The following FOXP1 variants were observed in gnomAD, a reference collection of about 807,000 sequenced individuals.
The protein encoded by FOXP1 is forkhead box protein P1.
Under a neutral mutation model 98.2 loss-of-function variants are expected in FOXP1, and 15 were observed. The ratio of observed to expected loss-of-function variants is 0.15; its 90% CI spans 0.10 to 0.24. The LOEUF is 0.24. Ranked by LOEUF, FOXP1 falls within the 10% of genes least tolerant of loss-of-function variation. The pLI, the probability that FOXP1 is intolerant of heterozygous loss-of-function variation, is 1.00. For synonymous variants in FOXP1, 371 were observed against 314.5 expected (o/e 1.18, Z -1.90); for missense variants, 633 against 848.5 (o/e 0.75, Z 3.15).
chr3:71,031,501 T>G (rs1022670706), intron 11 of FOXP1, among the ~76,000 whole-genome samples: 1 of 152,340 alleles, frequency 6.6e-6, no homozygotes, highest in African/African-American at 2.4e-5. Flanking sequence ...CCAAAGTGTC[T>G]TTTTAAAAAG....
chr3:71,286,547 G>A (rs2072159970), intron 5 of FOXP1, among the ~76,000 whole-genome samples: 1 of 152,156 alleles, frequency 6.6e-6, no homozygotes, highest in Non-Finnish European at 1.5e-5. Flanking sequence ...TTAATGGCAT[G>A]TGCTGGGACA....
At chr3:71,430,976 T>A (rs543445603) in intron 3 of FOXP1, among the ~76,000 whole-genome samples, 2 of 152,128 alleles carry the variant, frequency 1.3e-5, no homozygotes, top group East Asian at 3.9e-4. Context: ...ATGAAACACT[T>A]TCCTAGACAT....
chr3:71,081,347 A>G (rs1259033499), intron 7 of FOXP1, among the ~76,000 whole-genome samples: 1 of 152,190 alleles, frequency 6.6e-6, no homozygotes, highest in African/African-American at 2.4e-5. Context: ...AGAAAAAGAC[A>G]CAGAATCATA....
chr3:71,080,508 C>G (rs1469789941), intron 7 of FOXP1, among the ~76,000 whole-genome samples: 1 of 152,246 alleles, frequency 6.6e-6, no homozygotes. Flanking sequence ...GTGACCACAT[C>G]AATAAATGTT....
intron 5 of FOXP1, among the ~76,000 whole-genome samples, chr3:71,259,160 AAAG>A (rs2068885688): frequency 6.6e-6 from 1 of 152,102 alleles, no homozygotes; most frequent in African/African-American, 2.4e-5. Context: ...AAAAAAGAAA[AAAG>A]AAGTAAAGAA....
In FOXP1 at chr3:71,565,266, C is replaced by A. The variant is rs192151142; in HGVS notation, c.-298+16283G>T. Among the ~76,000 whole-genome samples the A allele has an allele frequency of 1.2e-4, 18 of 152,214 alleles. No homozygotes were observed. In the East Asian group the frequency reaches 3.3e-3, roughly 28 times the overall value. On this transcript the variant is annotated intron_variant, in intron 2 of 20. Transcript: ENST00000649528. ...CAGACTACCAGACCACATTAACCCACGGGCAGGCCTTCTATAGGGATACCA... is the reference window on the plus strand; with the variant it reads ...CAGACTACCAGACCACATTAACCCAAGGGCAGGCCTTCTATAGGGATACCA...
intron 5 of FOXP1, among the ~76,000 whole-genome samples, chr3:71,199,454 C>T (rs753778803): frequency 3.3e-5 from 5 of 149,898 alleles, no homozygotes; most frequent in South Asian, 2.3e-4. Context: ...GGCCTGGGGG[C>T]GGTGGCTCAC....
chr3:71,005,989 C>A (rs1482418647), intron 12 of FOXP1, among the ~76,000 whole-genome samples: 1 of 152,038 alleles, frequency 6.6e-6, no homozygotes, highest in Admixed American at 6.6e-5. Flanking sequence ...TATCCACAAA[C>A]AATCAAACAC....
At chr3:71,408,387 C>A (rs1051330401) in intron 3 of FOXP1, among the ~76,000 whole-genome samples, 6 of 152,244 alleles carry the variant, frequency 3.9e-5, no homozygotes, top group African/African-American at 1.2e-4. Flanking sequence ...GAAAGCCAAG[C>A]AAGTTGAAAA....
rs573386841 is a variant in FOXP1, at chr3:71,445,075, G to A, written c.-168+48351C>T. Among the ~76,000 whole-genome samples the A allele has an allele frequency of 1.2e-4, 19 of 152,242 alleles. No homozygotes were observed. The South Asian group carries it at 3.5e-3, about 28-fold the overall frequency. On this transcript the variant is annotated intron_variant, in intron 3 of 20. Transcript: ENST00000649528. ...AGTACTTCTGGAGTGCAGACCACGT[G>A]GCAGGCATGACATAAATAGCTTCAA...
chr3:71,333,823 TA>T (rs1335372702), intron 4 of FOXP1: 1 of 150,854 alleles, frequency 6.6e-6, no homozygotes, highest in Non-Finnish European at 1.5e-5. Flanking sequence ...GACCCTATCT[TA>T]AAAAAACAAA....
At chr3:71,536,080 C>T (rs2044268475) in intron 2 of FOXP1, among the ~76,000 whole-genome samples, 2 of 152,100 alleles carry the variant, frequency 1.3e-5, no homozygotes, top group South Asian at 4.1e-4. Flanking sequence ...CAAAATAAAG[C>T]ACAGTCAAAA....
At chr3:71,134,336 C>G (rs191930861) in intron 6 of FOXP1, among the ~76,000 whole-genome samples, 74 of 152,200 alleles carry the variant, frequency 4.9e-4, no homozygotes, top group African/African-American at 1.8e-3. Flanking sequence ...ACAAATGTAA[C>G]CAAGGCTGGA....
chr3:71,120,405 G>T (rs532202918), intron 6 of FOXP1, among the ~76,000 whole-genome samples: 3 of 152,328 alleles, frequency 2.0e-5, no homozygotes, highest in Non-Finnish European at 2.9e-5. Context: ...TGGACAAATT[G>T]TCCTATGCTT....
chr3:71,394,198 T>C (rs2081227159), intron 3 of FOXP1, among the ~76,000 whole-genome samples: 1 of 152,230 alleles, frequency 6.6e-6, no homozygotes, highest in East Asian at 1.9e-4. Context: ...CAGCAGTTAT[T>C]TTTAGAAGTC....
At chr3:71,398,319 T>C (rs1480159253) in intron 3 of FOXP1, among the ~76,000 whole-genome samples, 2 of 152,194 alleles carry the variant, frequency 1.3e-5, no homozygotes, top group African/African-American at 4.8e-5. Context: ...TATTAACCAC[T>C]CTCATTTTTT....
At chr3:71,300,580 T>C (rs2073758458) in intron 4 of FOXP1, among the ~76,000 whole-genome samples, 1 of 152,196 alleles carries the variant, frequency 6.6e-6, no homozygotes, top group Non-Finnish European at 1.5e-5. Context: ...ATCTGCATAC[T>C]CCCGTATGCA....
At chr3:71,158,683 G>A (rs1408164879) in intron 6 of FOXP1, among the ~76,000 whole-genome samples, 1 of 144,834 alleles carries the variant, frequency 6.9e-6, no homozygotes, top group Non-Finnish European at 1.5e-5. Flanking sequence ...CAGACTGAAA[G>A]GTAAAGTCAT....
intron 3 of FOXP1, among the ~76,000 whole-genome samples, chr3:71,398,896 C>T (rs1052879132): frequency 1.2e-4 from 19 of 152,210 alleles, no homozygotes; most frequent in African/African-American, 4.1e-4. Context: ...AGTTCTAATC[C>T]GCTTTTACTT....
Sources: allele counts gnomAD v4.1 joint callset (sites outside exome capture counted in the v4.1 genomes callset), GRCh38; gene constraint gnomAD v4.1.1; transcripts MANE v1.5; gene names NCBI Gene and HGNC (gene_info 2026-07-23, HGNC 2026-07-21).